Variants in TIA1 observed in about 807,000 individuals in gnomAD.
TIA1 encodes TIA1 cytotoxic granule associated RNA binding protein.
A neutral mutation model predicts 65.9 loss-of-function variants in TIA1; 23 were observed. The observed-to-expected ratio is 0.35, with a 90% confidence interval of 0.25 to 0.49. The LOEUF is 0.49. Among genes scored for constraint, TIA1 ranks in the 20% least tolerant of loss-of-function variants. TIA1 has a pLI of 0.98. For synonymous variants in TIA1, 147 were observed against 149.4 expected (o/e 0.98, Z 0.12); for missense variants, 371 against 477.9 (o/e 0.78, Z 2.09).
chr2:70,209,738 A>T lies in TIA1; in HGVS notation c.*2981T>A. The stretch of plus-strand genomic sequence containing the variant: ...TGAGAGAAAAAAACTGATTTTTTTT[A>T]AAGAAATCATCACTCTCATTTGAAA... On this transcript the variant is annotated 3_prime_UTR_variant, in exon 13 of 13. Coordinates refer to ENST00000433529, the MANE Select transcript of TIA1 (RefSeq NM_022173.4). The T allele has an allele frequency of 2.5e-6, 1 of 398,296 alleles. No homozygotes were observed. Among genetic ancestry groups the T allele is most frequent in the South Asian group, 1.3e-4 (1 of 7,848 alleles). The allele number at this position is 398,296 out of a possible 1,614,324, so 24.7% of individuals were successfully genotyped here. A position where few individuals can be genotyped will look rare whatever the true frequency, so the allele number is the denominator to read the frequency against.
At chr2:70,219,482 C>T (rs549176551) in intron 7 of TIA1, among the ~76,000 whole-genome samples, 7 of 151,976 alleles carry the variant, frequency 4.6e-5, no homozygotes, top group East Asian at 3.9e-4. Flanking sequence ...AATATGAAAA[C>T]GAAATGCTTT....
chr2:70,237,269 G>A (rs555365538), intron 1 of TIA1, among the ~76,000 whole-genome samples: 5 of 152,138 alleles, frequency 3.3e-5, no homozygotes, highest in Non-Finnish European at 7.3e-5. Context: ...AGGCATGGTG[G>A]TGCACATCTG....
In TIA1 at chr2:70,232,208, CAAAAAA is replaced by C. The variant is rs11427986; in HGVS notation, c.124-1360_124-1355del. Among the ~76,000 whole-genome samples the C allele has an allele frequency of 1.3e-4, 8 of 63,908 alleles. No homozygotes were observed. The South Asian group carries it at 2.8e-3, about 22-fold the overall frequency. 41.9% of individuals were successfully genotyped at this position (63,908 alleles called of 152,430 possible). A position where few individuals can be genotyped will look rare whatever the true frequency, so the allele number is the denominator to read the frequency against. ...TGGGCGACAGAGCGAGACTCTGTCT[CAAAAAA>C]AAAAAAAAAAAGAAAAAAGAAAAAA... On this transcript the variant is annotated intron_variant, in intron 2 of 12. Coordinates refer to ENST00000433529, the MANE Select transcript of TIA1 (RefSeq NM_022173.4).
chr2:70,233,507 GCCTGTAATC>G (rs1479085492), intron 2 of TIA1, among the ~76,000 whole-genome samples: 1 of 152,048 alleles, frequency 6.6e-6, no homozygotes, highest in African/African-American at 2.4e-5. Flanking sequence ...GGTGGCTCAC[GCCTGTAATC>G]CCAGCACTTT....
chr2:70,225,878 T>C (rs112950901), intron 6 of TIA1, among the ~76,000 whole-genome samples: 111 of 152,284 alleles, frequency 7.3e-4, no homozygotes, highest in African/African-American at 2.7e-3. Context: ...GAAAATACCA[T>C]ATTTTTTATA....
At chr2:70,246,249 G>T (rs932682829) in intron 1 of TIA1, among the ~76,000 whole-genome samples, 2 of 152,120 alleles carry the variant, frequency 1.3e-5, no homozygotes, top group Admixed American at 6.6e-5. Flanking sequence ...TTAAACAAAT[G>T]TATTGATTAC....
At chr2:70,242,974 T>C (rs1045963484) in intron 1 of TIA1, among the ~76,000 whole-genome samples, 3 of 152,184 alleles carry the variant, frequency 2.0e-5, no homozygotes, top group Admixed American at 1.3e-4. Context: ...AACATTGCAA[T>C]ATCATTGCAG....
chr2:70,216,749 G>C (rs1558765611), intron 8 of TIA1, 137 bp downstream of exon 8: 1 of 1,592,950 alleles, frequency 6.3e-7, no homozygotes, highest in Non-Finnish European at 8.5e-7. Flanking sequence ...TGAAAACTAA[G>C]TACATTTTTG....
Position 70,209,692 on chromosome 2 carries a change from C to T in TIA1, c.*3027G>A, listed in dbSNP as rs1193027536. 4 of 398,246 alleles carry T rather than the reference C, an allele frequency of 1.0e-5. No homozygotes were observed. Among genetic ancestry groups the T allele is most frequent in the Middle Eastern group, 6.3e-4 (1 of 1,584 alleles). The allele number at this position is 398,246 out of a possible 1,614,324, so 24.7% of individuals were successfully genotyped here. A position where few individuals can be genotyped will look rare whatever the true frequency, so the allele number is the denominator to read the frequency against. ...TGCTCATGCTTAAGATTGACGATTTCGTGAAATAAAGAACATTATTTGAGA... is the reference window on the plus strand; with the variant it reads ...TGCTCATGCTTAAGATTGACGATTTTGTGAAATAAAGAACATTATTTGAGA... On this transcript the variant is annotated 3_prime_UTR_variant, in exon 13 of 13. Coordinates refer to ENST00000433529, the MANE Select transcript of TIA1 (RefSeq NM_022173.4).
chr2:70,223,164 C>T (rs1188997989), intron 7 of TIA1, among the ~76,000 whole-genome samples: 1 of 152,202 alleles, frequency 6.6e-6, no homozygotes, highest in Non-Finnish European at 1.5e-5. Flanking sequence ...ATTTCCCTAA[C>T]TTGCACTAAA....
intron 7 of TIA1, chr2:70,217,217 G>T (rs1398998283): frequency 6.6e-6 from 2 of 304,948 alleles, no homozygotes; most frequent in Non-Finnish European, 1.1e-5. Flanking sequence ...TGTCACCCAG[G>T]ATGGAGTGCA....
intron 4 of TIA1, 45 bp downstream of exon 4, chr2:70,229,219 G>T (rs369974056): frequency 6.2e-7 from 1 of 1,606,728 alleles, no homozygotes; most frequent in African/African-American, 1.3e-5. Context: ...TAAAACTACT[G>T]GGTACAATAA....
intron 6 of TIA1, 115 bp from the exon 7 acceptor site, chr2:70,224,744 T>C: frequency 1.4e-6 from 2 of 1,461,104 alleles, no homozygotes; most frequent in Admixed American, 5.2e-5. Flanking sequence ...GAACCTTTAA[T>C]GCAAATTCAC....
At chr2:70,212,949 ATACT>A in intron 12 of TIA1, 104 bp from the exon 13 acceptor site, 1 of 750,600 alleles carries the variant, frequency 1.3e-6, no homozygotes, top group Non-Finnish European at 2.3e-6. Flanking sequence ...AATGGGAAAC[ATACT>A]TTTTCTTAAT....
chr2:70,212,893 TA>T (rs761639780), intron 12 of TIA1, 48 bp from the exon 13 acceptor site: 1 of 1,264,072 alleles, frequency 7.9e-7, no homozygotes, highest in Non-Finnish European at 1.2e-6. Flanking sequence ...ATCCACTGAT[TA>T]AAATAAAGTA....
At chr2:70,234,970 A>G (rs1267105234) in intron 2 of TIA1, among the ~76,000 whole-genome samples, 1 of 152,164 alleles carries the variant, frequency 6.6e-6, no homozygotes, top group Non-Finnish European at 1.5e-5. Context: ...TCTGGAGAAA[A>G]GAAAACTGAA....
In TIA1 at chr2:70,211,825, A is replaced by G. The variant is rs1016769820; in HGVS notation, c.*894T>C. On this transcript the variant is annotated 3_prime_UTR_variant, in exon 13 of 13. Coordinates refer to ENST00000433529, the MANE Select transcript of TIA1 (RefSeq NM_022173.4). ...GTGCAAAATATTAAATTGCTAAAAC[A>G]TTTTACATAATGAAATAATACATGT... The G allele has an allele frequency of 1.3e-5, 2 of 152,636 alleles. No homozygotes were observed. The highest frequency in any genetic ancestry group is 4.8e-5 in the African/African-American group (2 of 41,456). 9.5% of individuals were successfully genotyped at this position (152,636 alleles called of 1,614,324 possible).
intron 2 of TIA1, among the ~76,000 whole-genome samples, chr2:70,232,923 G>A (rs1464635364): frequency 6.6e-6 from 1 of 151,944 alleles, no homozygotes; most frequent in Non-Finnish European, 1.5e-5. Context: ...GTGAGGCTAT[G>A]TGATAAATAG....
intron 4 of TIA1, 34 bp downstream of exon 4, chr2:70,229,230 A>C: frequency 6.2e-7 from 1 of 1,612,664 alleles, no homozygotes; most frequent in Non-Finnish European, 8.5e-7. Flanking sequence ...GGTACAATAA[A>C]AACAAATGTT....
Sources: gnomAD v4.1 joint callset for allele counts (sites outside exome capture counted in the v4.1 genomes callset) on GRCh38, gnomAD v4.1.1 for gene constraint, MANE v1.5 for transcripts, NCBI Gene and HGNC (gene_info 2026-07-23, HGNC 2026-07-21) for gene names.